Variants in RUSF1 observed in about 807,000 individuals in gnomAD.
RUSF1 encodes the protein RUS1 family protein C16orf58.
Under a neutral mutation model 63.0 loss-of-function variants are expected in RUSF1, and 58 were observed. The ratio of observed to expected loss-of-function variants is 0.92; its 90% CI spans 0.75 to 1.15. The LOEUF (loss-of-function observed/expected upper bound fraction) is 1.15, where lower values mean the gene tolerates loss of function less well. Ranked by LOEUF, RUSF1 falls within the 50% of genes most tolerant of loss-of-function variation. The pLI is 0.00. For synonymous variants in RUSF1, 274 were observed against 255.8 expected (o/e 1.07, Z -0.68); for missense variants, 652 against 611.0 (o/e 1.07, Z -0.71).
rs749103575 is a variant in RUSF1, at chr16:31,492,008, C to A, written c.1309+1G>T. ...AGCAGCCATGGGCTGAGGGATGTTA[C>A]CTTTCAAGAACTTTGGGAACAGCAT... On this transcript the variant is annotated splice_donor_variant, in intron 12 of 12. Coordinates refer to ENST00000327237, the MANE Select transcript of RUSF1 (RefSeq NM_022744.4). LOFTEE classifies it high-confidence loss of function. 6.8e-6 allele frequency: 11 copies of A among 1,613,948 alleles called. No homozygotes were observed. The East Asian group carries it at 2.2e-4, about 33-fold the overall frequency.
At chr16:31,494,579 T>C (rs939842984) in intron 6 of RUSF1, among the ~76,000 whole-genome samples, 1 of 152,026 alleles carries the variant, frequency 6.6e-6, no homozygotes, top group Non-Finnish European at 1.5e-5. Flanking sequence ...GGAGACACAG[T>C]GATACCCTGT....
intron 2 of RUSF1, among the ~76,000 whole-genome samples, chr16:31,507,174 GTGTAGAACA>G (rs1428849428): frequency 6.6e-6 from 1 of 152,212 alleles, no homozygotes; most frequent in African/African-American, 2.4e-5. Flanking sequence ...GGGCCTCCTC[GTGTAGAACA>G]TGTAACAATT....
chr16:31,492,392 C>G, intron 10 of RUSF1, 52 bp from the exon 11 acceptor site: 2 of 1,490,178 alleles, frequency 1.3e-6, no homozygotes, highest in Non-Finnish European at 1.8e-6. Context: ...CCTCCCAAAC[C>G]CCTTCTATCC....
intron 2 of RUSF1, among the ~76,000 whole-genome samples, chr16:31,502,831 T>C (rs2082639329): frequency 6.6e-6 from 1 of 152,272 alleles, no homozygotes; most frequent in Non-Finnish European, 1.5e-5. Context: ...GGTTTCACCA[T>C]GTTGGCCAGG....
chr16:31,508,323 G>T lies in RUSF1; in HGVS notation c.51C>A (p.Gly17=). The change falls in exon 1 of 13, where the codon GGC becomes GGA. Residue 17 remains glycine, a synonymous_variant. Coordinates refer to ENST00000327237, the MANE Select transcript of RUSF1 (RefSeq NM_022744.4). ...LETPLCSEQF[G]SGEARGCRAA... ...CGCGGCAGCCCCGTGCCTCCCCGGAGCCGAACTGCTCGGAACACAGCGGGG... is the reference window on the plus strand; with the variant it reads ...CGCGGCAGCCCCGTGCCTCCCCGGATCCGAACTGCTCGGAACACAGCGGGG... 1 of 1,578,368 alleles carries T rather than the reference G, an allele frequency of 6.3e-7. No individual in the cohort carries two copies.
intron 12 of RUSF1, among the ~76,000 whole-genome samples, chr16:31,491,378 G>T (rs563439239): frequency 1.3e-5 from 2 of 148,482 alleles, no homozygotes; most frequent in East Asian, 4.1e-4. Context: ...GGGGTACAGT[G>T]ACACAATCTG....
At chr16:31,499,083 C>G (rs187744609) in intron 5 of RUSF1, among the ~76,000 whole-genome samples, 70 of 152,296 alleles carry the variant, frequency 4.6e-4, no homozygotes, top group Middle Eastern at 3.4e-3. Flanking sequence ...CTCGGAGCTC[C>G]CTCCCCAGTC....
At chr16:31,506,708 G>A (rs1004386483) in intron 2 of RUSF1, among the ~76,000 whole-genome samples, 2 of 152,154 alleles carry the variant, frequency 1.3e-5, no homozygotes, top group Admixed American at 6.5e-5. Context: ...GCTTGAACCC[G>A]GGAGGAGGAG....
intron 5 of RUSF1, among the ~76,000 whole-genome samples, chr16:31,498,608 G>C (rs1403340277): frequency 6.6e-6 from 1 of 152,158 alleles, no homozygotes; most frequent in Non-Finnish European, 1.5e-5. Context: ...TCCTCATTTG[G>C]GTGAGATCAA....
At chr16:31,498,672 C>T (rs957801236) in intron 5 of RUSF1, among the ~76,000 whole-genome samples, 4 of 152,108 alleles carry the variant, frequency 2.6e-5, no homozygotes, top group African/African-American at 4.8e-5. Context: ...TGTGCTTGAG[C>T]CCCGCGTGTC....
rs1359560987 is a variant in RUSF1 at position 31,500,686 on chromosome 16, C to G, written c.461G>C (p.Gly154Ala). 1.2e-6 allele frequency: 2 copies of G among 1,612,660 alleles called. No homozygotes were observed. The highest frequency in any genetic ancestry group is 1.7e-6 in the Non-Finnish European group (2 of 1,179,072). The change falls in exon 3 of 13, where the codon GGG becomes GCG. Residue 154 changes from glycine to alanine, a missense_variant and splice_region_variant. Transcript: ENST00000327237. Reference protein sequence around the residue: ...LGRIVFAWWKGSKLDCNAKQW... With the variant: ...LGRIVFAWWKASKLDCNAKQW... ...TTGCTGGCCGGGAAGACAAACTCAC[C>G]CTTTCCACCAGGCAAAGACGATGCG...
At chr16:31,491,696 G>C (rs771432178) in intron 12 of RUSF1, among the ~76,000 whole-genome samples, 1 of 143,616 alleles carries the variant, frequency 7.0e-6, no homozygotes, top group Non-Finnish European at 1.5e-5. Flanking sequence ...CTGTAGCCTC[G>C]ACCTCCCCCA....
chr16:31,493,288 C>T (rs1467178035), intron 9 of RUSF1, 179 bp downstream of exon 9: 3 of 932,192 alleles, frequency 3.2e-6, no homozygotes, highest in South Asian at 1.4e-5. Flanking sequence ...TCTCTTACAT[C>T]TGCTTCATGT....
intron 2 of RUSF1, among the ~76,000 whole-genome samples, chr16:31,502,195 T>G (rs1817203906): frequency 6.6e-6 from 1 of 151,966 alleles, no homozygotes; most frequent in Non-Finnish European, 1.5e-5. Flanking sequence ...GACCCTGAGG[T>G]GGGGATGTAG....
At position 31,490,009 on chromosome 16, in the gene RUSF1, T is replaced by A. The variant is rs776410459; in HGVS notation, c.*826A>T. On this transcript the variant is annotated 3_prime_UTR_variant, in exon 13 of 13. Transcript: ENST00000327237. ...GGTGTGTAGACTGGACAGAGGTGGGTAGGGCAGGCAGTGACGAGCTGGTGT... is the reference window on the plus strand; with the variant it reads ...GGTGTGTAGACTGGACAGAGGTGGGAAGGGCAGGCAGTGACGAGCTGGTGT... The A allele has an allele frequency of 3.3e-6, 5 of 1,525,402 alleles. No homozygotes were observed. The East Asian group carries it at 1.2e-4, about 36-fold the overall frequency. The allele number at this position is 1,525,402 out of a possible 1,614,324, so 94.5% of individuals were successfully genotyped here.
In RUSF1 at chr16:31,496,906, G is replaced by C. The variant is rs140258231; in HGVS notation, c.645C>G (p.Thr215=). ...TGTTGTTCCTCCGAGCCTGGTGCAC[G>C]GTCAGGGCAGCCCGAGTGGCCCCAC... The part of the protein sequence containing the change: ...VAGGATRAAL[T]VHQARRNNMA... The change falls in exon 6 of 13, where the codon ACC becomes ACG. Residue 215 remains threonine, a synonymous_variant. Coordinates refer to ENST00000327237, the MANE Select transcript of RUSF1 (RefSeq NM_022744.4). 50 of 1,610,186 alleles carry C rather than the reference G, an allele frequency of 3.1e-5. No individual in the cohort carries two copies. In the African/African-American group the frequency reaches 4.8e-4, roughly 15 times the overall value.
rs771033838 is a variant in RUSF1, at chr16:31,490,004, G to T, written c.*831C>A. 2 of 1,505,410 alleles carry T rather than the reference G, an allele frequency of 1.3e-6. No individual in the cohort carries two copies. The highest frequency in any genetic ancestry group is 1.8e-6 in the Non-Finnish European group (2 of 1,095,992). The allele number at this position is 1,505,410 out of a possible 1,614,324, so 93.3% of individuals were successfully genotyped here. On this transcript the variant is annotated 3_prime_UTR_variant, in exon 13 of 13. Transcript: ENST00000327237. ...GGCTGGGTGTGTAGACTGGACAGAG[G>T]TGGGTAGGGCAGGCAGTGACGAGCT...
At chr16:31,499,622 C>T (rs2082623024) in intron 3 of RUSF1, 97 bp from the exon 4 acceptor site, 1 of 1,200,764 alleles carries the variant, frequency 8.3e-7, no homozygotes, top group Non-Finnish European at 1.2e-6. Flanking sequence ...GTCTGAAGAG[C>T]TCAGGAAAAC....
Position 31,496,980 on chromosome 16 carries a change from CAG to C in RUSF1, c.601-32_601-31del, listed in dbSNP as rs757820799. On this transcript the variant is annotated intron_variant, in intron 5 of 12. Coordinates refer to ENST00000327237, the MANE Select transcript of RUSF1 (RefSeq NM_022744.4). ...GTGGGAGGGGAAGAGAGAAGGTTGG[CAG>C]AGACACGTGTCCTGGTAACACAGGC... is the stretch of plus-strand genomic sequence containing the variant. 29 of 1,546,744 alleles carry C rather than the reference CAG, an allele frequency of 1.9e-5. No individual in the cohort carries two copies. In the African/African-American group the frequency reaches 3.3e-4, roughly 17 times the overall value.
Sources: gnomAD v4.1 joint callset for allele counts (sites outside exome capture counted in the v4.1 genomes callset) on GRCh38, gnomAD v4.1.1 for gene constraint, MANE v1.5 for transcripts, NCBI Gene and HGNC (gene_info 2026-07-23, HGNC 2026-07-21) for gene names.